FAN1: variants seen among roughly 807,000 people sequenced by gnomAD.
FAN1 encodes the protein fanconi-associated nuclease 1.
FAN1 carries 91 observed loss-of-function variants against 104.9 expected under a neutral mutation model. That is an observed-to-expected ratio of 0.87 (90% CI 0.73 to 1.03). FAN1 has a LOEUF of 1.03. FAN1 is among the 50% of genes least tolerant of loss of function. The pLI, the probability that FAN1 is intolerant of heterozygous loss-of-function variation, is 0.00. For missense variants in FAN1, 1,263 were observed against 1,239.9 expected (o/e 1.02, Z -0.28); for synonymous variants, 478 against 457.6 (o/e 1.04, Z -0.57).
intron 14 of FAN1, among the ~76,000 whole-genome samples, chr15:30,937,988 A>G (rs577392165): frequency 1.5e-4 from 23 of 151,896 alleles, no homozygotes; most frequent in African/African-American, 4.8e-4. Context: ...GATCGAGACC[A>G]TCCTGGCCAA....
intron 14 of FAN1, among the ~76,000 whole-genome samples, chr15:30,938,748 T>TATCA (rs955353519): frequency 6.6e-6 from 1 of 152,210 alleles, no homozygotes; most frequent in African/African-American, 2.4e-5. Flanking sequence ...GGGCATGATC[T>TATCA]ATCAATATCC....
chr15:30,918,118 G>T, intron 5 of FAN1, 46 bp from the exon 6 acceptor site: 44 of 1,607,152 alleles, frequency 2.7e-5, no homozygotes, highest in Non-Finnish European at 3.7e-5. Context: ...GTCATTCTAT[G>T]GGAATGCTCA....
intron 5 of FAN1, 126 bp from the exon 6 acceptor site, chr15:30,918,037 AT>A (rs1454141930): frequency 1.1e-6 from 1 of 884,206 alleles, no homozygotes; most frequent in African/African-American, 1.7e-5. Context: ...TTAGAATAAA[AT>A]TTAAGTGGCC....
chr15:30,904,767 A>G lies in FAN1; in HGVS notation c.104A>G (p.Asn35Ser), dbSNP rs1477870280. The change falls in exon 2 of 15, where the codon AAC becomes AGC. Residue 35 changes from asparagine to serine, a missense_variant. This residue lies in a region of FAN1 where 682 missense variants were observed against 571.1 expected (regional missense o/e 1.19). Transcript: ENST00000362065. ...TCTAATTCTATTATTTCGTGTTTTA[A>G]CAATGCACCACCTGCTAAACTTGCC... Reference protein sequence around the residue: ...KASNSIISCFNNAPPAKLACP... With the variant: ...KASNSIISCFSNAPPAKLACP... 1 of 1,613,444 alleles carries G rather than the reference A, an allele frequency of 6.2e-7. No homozygotes were observed. The highest frequency in any genetic ancestry group is 1.3e-5 in the African/African-American group (1 of 74,932).
chr15:30,914,033 C>G lies in FAN1; in HGVS notation c.1753C>G (p.Pro585Ala), dbSNP rs2062151232. The G allele has an allele frequency of 6.2e-7, 1 of 1,614,034 alleles. No homozygotes were observed. The highest frequency in any genetic ancestry group is 1.3e-5 in the African/African-American group (1 of 74,910). Residue 585 changes from proline (P) to alanine (A), a missense_variant, in exon 5 of 15, where the codon CCT (proline) becomes GCT (alanine). Pro to Ala is a conservative substitution (Grantham distance 27). Transcript: ENST00000362065. ...GGTCAACCTCGGCCGAATGGAGTTTCCTAGTTACACCATCAATCGGAAAAC... is the reference window on the plus strand; with the variant it reads ...GGTCAACCTCGGCCGAATGGAGTTTGCTAGTTACACCATCAATCGGAAAAC... The part of the protein sequence containing the change: ...LLVNLGRMEF[P>A]SYTINRKTHI...
intron 10 of FAN1, among the ~76,000 whole-genome samples, chr15:30,926,140 G>A (rs1180973785): frequency 2.0e-5 from 3 of 152,200 alleles, no homozygotes; most frequent in African/African-American, 7.2e-5. Context: ...CACAGGGCCT[G>A]GCTCTGATCT....
rs1282174168 is a variant in FAN1 at position 30,942,929 on chromosome 15, A to T, written c.*1367A>T. On this transcript the variant is annotated 3_prime_UTR_variant, in exon 15 of 15. Coordinates refer to ENST00000362065, the MANE Select transcript of FAN1 (RefSeq NM_014967.5). The stretch of plus-strand genomic sequence containing the variant: ...AAGACTTCACGGAGCCATTCTGTAT[A>T]CAAGGTGTGCTCTTTCCAATGTAGA... 6.4e-7 allele frequency: 1 copy of T among 1,568,362 alleles called. No individual in the cohort carries two copies. The highest frequency in any genetic ancestry group is 2.3e-5 in the East Asian group (1 of 43,278).
intron 3 of FAN1, among the ~76,000 whole-genome samples, chr15:30,909,131 G>A (rs2062043875): frequency 6.6e-6 from 1 of 152,234 alleles, no homozygotes; most frequent in Non-Finnish European, 1.5e-5. Flanking sequence ...ACCTACCTAT[G>A]TATTGGGTAC....
intron 7 of FAN1, among the ~76,000 whole-genome samples, chr15:30,921,420 A>G (rs1024070737): frequency 6.6e-6 from 1 of 152,220 alleles, no homozygotes; most frequent in Non-Finnish European, 1.5e-5. Context: ...AATTTGTCGT[A>G]TCCTAAACTT....
rs202102251 is a variant in FAN1, at chr15:30,910,592, CTTTTT to C, written c.1376-16_1376-12del. ...TAGAAAATAGTAAAATTTAAAAAAA[CTTTTT>C]TTTTTAACCATTTCAGAATCTGAGT... On this transcript the variant is annotated splice_polypyrimidine_tract_variant and intron_variant, in intron 3 of 14. Transcript: ENST00000362065. 1.0e-5 allele frequency: 14 copies of C among 1,361,226 alleles called. No homozygotes were observed. Among genetic ancestry groups the C allele is most frequent in the Non-Finnish European group, 1.4e-5 (14 of 1,006,814 alleles). The allele number at this position is 1,361,226 out of a possible 1,614,324, so 84.3% of individuals were successfully genotyped here.
chr15:30,911,047 T>C (rs1319145456), intron 4 of FAN1: 4 of 1,255,656 alleles, frequency 3.2e-6, no homozygotes, highest in Non-Finnish European at 4.0e-6. Context: ...CGGAAGGCAA[T>C]AGGCCTTTGG....
At position 30,941,958 on chromosome 15, in the gene FAN1, G is replaced by A; in HGVS notation, c.*396G>A. The stretch of plus-strand genomic sequence containing the variant: ...TTCTGGCTGTCGGTTTGCTGAGCTG[G>A]ATCTGGCTTTGGTTTTAATATCAAT... On this transcript the variant is annotated 3_prime_UTR_variant, in exon 15 of 15. Coordinates refer to ENST00000362065, the MANE Select transcript of FAN1 (RefSeq NM_014967.5). 6.2e-7 allele frequency: 1 copy of A among 1,614,014 alleles called. No individual in the cohort carries two copies. The highest frequency in any genetic ancestry group is 8.5e-7 in the Non-Finnish European group (1 of 1,179,892).
At chr15:30,922,836 C>G (rs1399337269) in intron 8 of FAN1, among the ~76,000 whole-genome samples, 1 of 152,242 alleles carries the variant, frequency 6.6e-6, no homozygotes, top group Non-Finnish European at 1.5e-5. Flanking sequence ...GTGTTTTGCT[C>G]TGCCATTTGG....
At chr15:30,929,542 CATATATA>C (rs1326838905) in intron 12 of FAN1, 145 bp downstream of exon 12, 1 of 202,010 alleles carries the variant, frequency 5.0e-6, no homozygotes, top group Non-Finnish European at 9.0e-6. Context: ...TAGTATATAT[CATATATA>C]AAATATATAT....
At chr15:30,927,590 G>A (rs118056598) in intron 10 of FAN1, 19,147 of 985,524 alleles carry the variant, frequency 0.019, 194 homozygotes, top group Non-Finnish European at 0.021. Flanking sequence ...GTGGTACCAC[G>A]CAGATGGGTT....
intron 10 of FAN1, chr15:30,926,853 T>G: frequency 1.0e-6 from 1 of 985,378 alleles, no homozygotes; most frequent in Non-Finnish European, 1.2e-6. Context: ...TTTCCCTGAT[T>G]AAAATCGATG....
At chr15:30,940,364 G>A (rs944551545) in intron 14 of FAN1, 3 of 985,276 alleles carry the variant, frequency 3.0e-6, no homozygotes, top group Non-Finnish European at 3.6e-6. Flanking sequence ...GGCTGGGGGA[G>A]CACTTCTGTC....
At chr15:30,938,597 T>C (rs896136642) in intron 14 of FAN1, among the ~76,000 whole-genome samples, 2 of 152,132 alleles carry the variant, frequency 1.3e-5, no homozygotes, top group Non-Finnish European at 2.9e-5. Flanking sequence ...GGGGGTGTGG[T>C]AGAAAGGTGA....
At chr15:30,939,010 T>TA (rs1330196959) in intron 14 of FAN1, 1 of 985,210 alleles carries the variant, frequency 1.0e-6, no homozygotes, top group African/African-American at 1.7e-5. Flanking sequence ...AACAACAAGA[T>TA]AACACATCTT....
Sources: gnomAD v4.1 joint callset for allele counts (sites outside exome capture counted in the v4.1 genomes callset) on GRCh38, gnomAD v4.1.1 for gene constraint, gnomAD v4.1.1 regional missense constraint, MANE v1.5 for transcripts, NCBI Gene and HGNC (gene_info 2026-07-23, HGNC 2026-07-21) for gene names.